PRKAR1B: variants seen among roughly 807,000 people sequenced by gnomAD.
PRKAR1B encodes the protein protein kinase cAMP-dependent type I regulatory subunit beta.
Under a neutral mutation model 46.5 loss-of-function variants are expected in PRKAR1B, and 22 were observed. The ratio of observed to expected loss-of-function variants is 0.47; its 90% confidence interval spans 0.34 to 0.68. PRKAR1B has a LOEUF of 0.68. Ranked by LOEUF, PRKAR1B falls within the 30% of genes least tolerant of loss-of-function variation. The probability of loss-of-function intolerance (pLI) is 0.01; values close to 1 mark genes in which losing one functional copy is unlikely to be tolerated. For missense variants in PRKAR1B, 445 were observed against 535.6 expected (o/e 0.83, Z 1.67); for synonymous variants, 259 against 217.7 (o/e 1.19, Z -1.67).
rs890117141 is a variant in PRKAR1B, at chr7:691,561, C to T, written c.178-10835G>A. The T allele has an allele frequency of 6.1e-6, 8 of 1,304,498 alleles. No individual in the cohort carries two copies. In the South Asian group the frequency reaches 7.4e-5, roughly 12 times the overall value. The allele number at this position is 1,304,498 out of a possible 1,614,324, so 80.8% of individuals were successfully genotyped here. A position where few individuals can be genotyped will look rare whatever the true frequency, so the allele number is the denominator to read the frequency against. ...TTACCAGTGGATCCATGTCCACACGCCCTTCCGCCTACACGCAGTCCTTTC... is the reference window on the plus strand; with the variant it reads ...TTACCAGTGGATCCATGTCCACACGTCCTTCCGCCTACACGCAGTCCTTTC... On this transcript the variant is annotated intron_variant, in intron 2 of 10. Coordinates refer to ENST00000537384, the MANE Select transcript of PRKAR1B (RefSeq NM_001164760.2).
At chr7:664,146 G>C (rs1466632128) in intron 4 of PRKAR1B, among the ~76,000 whole-genome samples, 1 of 152,164 alleles carries the variant, frequency 6.6e-6, no homozygotes, top group African/African-American at 2.4e-5. Flanking sequence ...TCTCTCCACA[G>C]ACCCCCATCC....
At chr7:710,684 C>T (rs1391202500) in intron 2 of PRKAR1B, among the ~76,000 whole-genome samples, 3 of 140,716 alleles carry the variant, frequency 2.1e-5, no homozygotes, top group Non-Finnish European at 4.5e-5. Flanking sequence ...CTCGCTCTGT[C>T]GCCCAGGCTG....
chr7:712,689 C>G (rs1376422736), intron 1 of PRKAR1B: 10 of 126,838 alleles, frequency 7.9e-5, no homozygotes, highest in Non-Finnish European at 1.7e-4. Context: ...TTCAGGCCAT[C>G]GCTGCCAGGA....
At chr7:700,033 G>A (rs1279082273) in intron 2 of PRKAR1B, among the ~76,000 whole-genome samples, 2 of 152,308 alleles carry the variant, frequency 1.3e-5, no homozygotes, top group Admixed American at 6.5e-5. Flanking sequence ...GCCAGAGGTA[G>A]GATCTCTCTT....
At chr7:562,880 C>T (rs377014861) in intron 9 of PRKAR1B, among the ~76,000 whole-genome samples, 63 of 152,350 alleles carry the variant, frequency 4.1e-4, no homozygotes, top group African/African-American at 1.5e-3. Flanking sequence ...GCCCAGACAC[C>T]AGCAGAGATG....
chr7:618,007 T>C lies in PRKAR1B; in HGVS notation c.441-10555A>G, dbSNP rs141617779. ...CAGGGAAGCAGAGGCCCCACCCACT[T>C]TCCCCCACCCTCCGCCTGGGACCCC... On this transcript the variant is annotated intron_variant, in intron 4 of 10. Transcript: ENST00000537384. Among the ~76,000 whole-genome samples the C allele has an allele frequency of 1.8e-3, 272 of 152,128 alleles. 1 individual carries two copies. Among genetic ancestry groups the C allele is most frequent in the African/African-American group, 6.3e-3 (262 of 41,508 alleles).
chr7:592,367 C>T lies in PRKAR1B; in HGVS notation c.708+3779G>A, dbSNP rs571173690. 7.9e-5 allele frequency among the ~76,000 whole-genome samples: 12 copies of T among 152,358 alleles called. 1 individual carries two copies. The highest frequency in any genetic ancestry group is 1.7e-4 in the African/African-American group (7 of 41,586). The stretch of plus-strand genomic sequence containing the variant: ...CTTGTGCTGAGAAATGGAGAAGCCG[C>T]GTCCCTTCCCGGCCCCATTGGCTGT... On this transcript the variant is annotated intron_variant, in intron 7 of 10. Coordinates refer to ENST00000537384, the MANE Select transcript of PRKAR1B (RefSeq NM_001164760.2).
At chr7:705,458 C>G (rs1780277508) in intron 2 of PRKAR1B, among the ~76,000 whole-genome samples, 1 of 152,048 alleles carries the variant, frequency 6.6e-6, no homozygotes, top group African/African-American at 2.4e-5. Flanking sequence ...CGAGATAGGA[C>G]AGACATTCTG....
At chr7:633,302 A>G (rs1190896220) in intron 4 of PRKAR1B, among the ~76,000 whole-genome samples, 1 of 152,198 alleles carries the variant, frequency 6.6e-6, no homozygotes, top group South Asian at 2.1e-4. Context: ...TAAACCACAC[A>G]TAGGCAAATC....
At chr7:603,737 T>G (rs1443913268) in intron 6 of PRKAR1B, among the ~76,000 whole-genome samples, 3 of 31,374 alleles carry the variant, frequency 9.6e-5, no homozygotes, top group Admixed American at 8.7e-4. Flanking sequence ...GGATCCAGAG[T>G]GGAGAGGGTG....
rs568931974 is a variant in PRKAR1B at position 583,632 on chromosome 7, CCA to C, written c.769+874_769+875del. ...CCCTCACACGTGCACACTCAAACCC[CCA>C]CACTCACATGCATGCACACCCATGC... On this transcript the variant is annotated intron_variant, in intron 8 of 10. Coordinates refer to ENST00000537384, the MANE Select transcript of PRKAR1B (RefSeq NM_001164760.2). Among the ~76,000 whole-genome samples, 39 of 132,118 alleles carry C rather than the reference CCA, an allele frequency of 3.0e-4. No individual in the cohort carries two copies. The South Asian group carries it at 4.4e-3, about 15-fold the overall frequency. 86.7% of individuals were successfully genotyped at this position (132,118 alleles called of 152,430 possible). A position where few individuals can be genotyped will look rare whatever the true frequency, so the allele number is the denominator to read the frequency against.
At chr7:677,141 G>A (rs1331602279) in intron 4 of PRKAR1B, 88 bp downstream of exon 4, 18 of 1,284,960 alleles carry the variant, frequency 1.4e-5, no homozygotes, top group South Asian at 1.3e-4. Context: ...GGGAGGCAGT[G>A]ATGCCCAGGC....
At chr7:586,317 T>C (rs1046082675) in intron 7 of PRKAR1B, among the ~76,000 whole-genome samples, 5 of 151,534 alleles carry the variant, frequency 3.3e-5, no homozygotes, top group South Asian at 2.1e-4. Context: ...CCACGATGAA[T>C]AGGGCTGACG....
intron 3 of PRKAR1B, among the ~76,000 whole-genome samples, chr7:677,632 G>A (rs1778410830): frequency 6.6e-6 from 1 of 152,008 alleles, no homozygotes; most frequent in Non-Finnish European, 1.5e-5. Flanking sequence ...TCACTATGTT[G>A]CCCAGGCTGG....
chr7:645,931 C>G (rs911557735), intron 4 of PRKAR1B, among the ~76,000 whole-genome samples: 4 of 152,174 alleles, frequency 2.6e-5, no homozygotes, highest in Admixed American at 2.0e-4. Context: ...GCCAGGGTAC[C>G]CGGAAAGGGC....
chr7:600,062 G>A (rs1246820459), intron 6 of PRKAR1B, among the ~76,000 whole-genome samples: 4 of 152,232 alleles, frequency 2.6e-5, no homozygotes, highest in African/African-American at 7.2e-5. Context: ...TGGGCAGGGA[G>A]TGTGTAATGT....
chr7:580,959 AG>A (rs559086649), intron 8 of PRKAR1B, among the ~76,000 whole-genome samples: 1 of 152,114 alleles, frequency 6.6e-6, no homozygotes, highest in Non-Finnish European at 1.5e-5. Context: ...AGCATAGGGA[AG>A]GGGGGCGAGG....
At position 602,721 on chromosome 7, in the gene PRKAR1B, C is replaced by G. The variant is rs550821256; in HGVS notation, c.549+3472G>C. ...CGTGTGTTGGGGACATGAGACGGGGCGGGGCAGCTGCCAGGCGGCCAATGG... is the reference window on the plus strand; with the variant it reads ...CGTGTGTTGGGGACATGAGACGGGGGGGGGCAGCTGCCAGGCGGCCAATGG... On this transcript the variant is annotated intron_variant, in intron 6 of 10. Coordinates refer to ENST00000537384, the MANE Select transcript of PRKAR1B (RefSeq NM_001164760.2). This position sits in a 1 kb window ranked among gnomAD's most constrained non-coding sequence, Gnocchi z 6.4. 1 of 170,134 alleles carries G rather than the reference C, an allele frequency of 5.9e-6. No individual in the cohort carries two copies. The highest frequency in any genetic ancestry group is 5.2e-4 in the Middle Eastern group (1 of 1,920). The allele number at this position is 170,134 out of a possible 1,614,324, so 10.5% of individuals were successfully genotyped here. A position where few individuals can be genotyped will look rare whatever the true frequency, so the allele number is the denominator to read the frequency against.
At position 550,298 on chromosome 7, in the gene PRKAR1B, G is replaced by T; in HGVS notation, c.*132C>A. The T allele has an allele frequency of 1.4e-6, 1 of 700,722 alleles. No homozygotes were observed. The highest frequency in any genetic ancestry group is 2.4e-6 in the Non-Finnish European group (1 of 409,780). 43.4% of individuals were successfully genotyped at this position (700,722 alleles called of 1,614,324 possible). A position where few individuals can be genotyped will look rare whatever the true frequency, so the allele number is the denominator to read the frequency against. ...TCCAAAAAGTGAGTCCGGGGAAGGG[G>T]CAGTCCTCACGCTGCCGGGACCCAG... On this transcript the variant is annotated 3_prime_UTR_variant, in exon 11 of 11. Coordinates refer to ENST00000537384, the MANE Select transcript of PRKAR1B (RefSeq NM_001164760.2).
Sources: allele counts gnomAD v4.1 joint callset (sites outside exome capture counted in the v4.1 genomes callset), GRCh38; gene constraint gnomAD v4.1.1; non-coding constraint Gnocchi (gnomAD v3.1); transcripts MANE v1.5; gene names NCBI Gene and HGNC (gene_info 2026-07-23, HGNC 2026-07-21).